The following ANKH variants were observed in gnomAD, a reference collection of about 807,000 sequenced individuals.
ANKH encodes the protein mineralization regulator ANKH.
ANKH carries 15 observed loss-of-function variants against 49.0 expected under a neutral mutation model. The observed-to-expected ratio is 0.31, with a 90% CI of 0.20 to 0.47. The LOEUF (loss-of-function observed/expected upper bound fraction) is 0.47. Among genes scored for constraint, ANKH ranks in the 20% least tolerant of loss-of-function variants. The pLI is 1.00. For synonymous variants in ANKH, 273 were observed against 260.0 expected, an observed-to-expected ratio of 1.05 and a Z score of -0.48; for missense variants, 429 against 652.0, an observed-to-expected ratio of 0.66 and a Z score of 3.72.
At chr5:14,856,991 G>T (rs1224493760) in intron 1 of ANKH, among the ~76,000 whole-genome samples, 1 of 152,142 alleles carries the variant, frequency 6.6e-6, no homozygotes, top group African/African-American at 2.4e-5. Context: ...GAGCACCAGT[G>T]AACTCATTGA....
At chr5:14,732,317 C>A (rs1435636285) in intron 8 of ANKH, among the ~76,000 whole-genome samples, 2 of 151,958 alleles carry the variant, frequency 1.3e-5, no homozygotes, top group African/African-American at 2.4e-5. Flanking sequence ...TAAAGAGCTT[C>A]CCCGAGGAGA....
At chr5:14,727,919 T>A (rs1737872025) in intron 8 of ANKH, among the ~76,000 whole-genome samples, 1 of 152,216 alleles carries the variant, frequency 6.6e-6, no homozygotes, top group Non-Finnish European at 1.5e-5. Context: ...AACAGCACAC[T>A]CTGTTCATTT....
At chr5:14,722,683 G>A (rs980794832) in intron 8 of ANKH, among the ~76,000 whole-genome samples, 1 of 152,202 alleles carries the variant, frequency 6.6e-6, no homozygotes, top group African/African-American at 2.4e-5. Context: ...CCTAGGGATA[G>A]AAATTTAAAA....
intron 1 of ANKH, among the ~76,000 whole-genome samples, chr5:14,818,329 T>A (rs1741098068): frequency 1.3e-5 from 2 of 151,990 alleles, no homozygotes; most frequent in Admixed American, 1.3e-4. Context: ...CTATTCCATC[T>A]TTTTTTCTTT....
At chr5:14,832,211 A>T (rs1236559173) in intron 1 of ANKH, among the ~76,000 whole-genome samples, 1 of 152,208 alleles carries the variant, frequency 6.6e-6, no homozygotes. Context: ...ATCTTTACAA[A>T]GTAGGACATA....
At position 14,713,173 on chromosome 5, in the gene ANKH, T is replaced by TCCCACAGCACATGGATCCCACAGC. The variant is rs1737304044; in HGVS notation, c.1266-224_1266-201dup. On this transcript the variant is annotated intron_variant, in intron 10 of 11. Transcript: ENST00000284268. The surrounding 1 kb of genome is among the most constrained non-coding windows in gnomAD (Gnocchi z 4.4). ...GGAACTCGGGGCTGGGCCACCTCCC[T>TCCCACAGCACATGGATCCCACAGC]CCCACAGCACATGGATCCCACAGCC... 6.6e-6 allele frequency among the ~76,000 whole-genome samples: 1 copy of TCCCACAGCACATGGATCCCACAGC among 152,042 alleles called. No individual in the cohort carries two copies. Among genetic ancestry groups the TCCCACAGCACATGGATCCCACAGC allele is most frequent in the Non-Finnish European group, 1.5e-5 (1 of 67,980 alleles).
intron 8 of ANKH, among the ~76,000 whole-genome samples, chr5:14,732,573 C>T (rs1448373896): frequency 1.3e-5 from 2 of 151,712 alleles, no homozygotes; most frequent in African/African-American, 4.8e-5. Context: ...GCCCTCTTTC[C>T]CTATGTTAGG....
chr5:14,787,839 T>A (rs1740029122), intron 1 of ANKH, among the ~76,000 whole-genome samples: 1 of 152,124 alleles, frequency 6.6e-6, no homozygotes, highest in African/African-American at 2.4e-5. Flanking sequence ...CAAGGCTACA[T>A]ACTAGGAGTT....
chr5:14,735,989 C>A (rs1219883300), intron 8 of ANKH, among the ~76,000 whole-genome samples: 3 of 146,932 alleles, frequency 2.0e-5, no homozygotes, highest in Non-Finnish European at 4.4e-5. Flanking sequence ...TCAGAAAGAT[C>A]CAGAGTAAAA....
At chr5:14,741,471 T>C in intron 8 of ANKH, 1 of 255,526 alleles carries the variant, frequency 3.9e-6, no homozygotes, top group South Asian at 4.3e-5. Flanking sequence ...GTAACGCGGA[T>C]TAAATTTGGA....
At position 14,755,870 on chromosome 5, in the gene ANKH, G is replaced by T; in HGVS notation, c.507C>A (p.Val169=). Residue 169 remains valine (V), a synonymous_variant, in exon 4 of 12, where the codon GTC becomes GTA. Transcript: ENST00000284268. ...FLVGCASISD[V]IAQVVFVAIL... is the part of the protein sequence containing the mutation. ...CACAGACCATATTTACCTGAGCTAT[G>T]ACATCTGAGATTGAGGCACATCCCA... 1 of 1,613,982 alleles carries T rather than the reference G, an allele frequency of 6.2e-7. No homozygotes were observed. The highest frequency in any genetic ancestry group is 8.5e-7 in the Non-Finnish European group (1 of 1,179,880).
intron 1 of ANKH, among the ~76,000 whole-genome samples, chr5:14,825,339 C>G (rs1741309454): frequency 6.6e-6 from 1 of 152,072 alleles, no homozygotes; most frequent in Non-Finnish European, 1.5e-5. Context: ...ATATCTACTT[C>G]TTGGTGATTT....
intron 1 of ANKH, among the ~76,000 whole-genome samples, chr5:14,858,103 A>G (rs13188425): frequency 0.015 from 2,223 of 152,354 alleles, 25 homozygotes; most frequent in Non-Finnish European, 0.021. Context: ...GGAAGCTAGG[A>G]GCATTAATCA....
At chr5:14,728,540 G>T (rs571986572) in intron 8 of ANKH, among the ~76,000 whole-genome samples, 3 of 152,354 alleles carry the variant, frequency 2.0e-5, no homozygotes, top group African/African-American at 7.2e-5. Context: ...GCGTGGGGGT[G>T]GGGTGGCCCA....
At chr5:14,730,824 G>C (rs1286197354) in intron 8 of ANKH, among the ~76,000 whole-genome samples, 1 of 152,344 alleles carries the variant, frequency 6.6e-6, no homozygotes, top group African/African-American at 2.4e-5. Flanking sequence ...CGCCTTCCAA[G>C]AAGAGGTGGC....
At chr5:14,716,322 G>A (rs922371580) in intron 9 of ANKH, among the ~76,000 whole-genome samples, 1 of 152,096 alleles carries the variant, frequency 6.6e-6, no homozygotes, top group South Asian at 2.1e-4. Context: ...GTGAAACCCC[G>A]TCTCTACTAA....
At chr5:14,793,007 AATATATATATAT>A (rs1554006420) in intron 1 of ANKH, among the ~76,000 whole-genome samples, 6 of 79,700 alleles carry the variant, frequency 7.5e-5, no homozygotes, top group Middle Eastern at 5.4e-3. Context: ...TATATATATA[AATATATATATAT>A]AAATATATAT....
intron 1 of ANKH, among the ~76,000 whole-genome samples, chr5:14,781,693 C>G (rs1739811299): frequency 6.6e-6 from 1 of 152,162 alleles, no homozygotes; most frequent in Admixed American, 6.5e-5. Context: ...AACCTCAATT[C>G]AAGATGGTAG....
rs1740632695 is a variant in ANKH, at chr5:14,803,919, G to T, written c.97-34728C>A. On this transcript the variant is annotated intron_variant, in intron 1 of 11. Coordinates refer to ENST00000284268, the MANE Select transcript of ANKH (RefSeq NM_054027.6). ...ACCCCCAACTTTGTTTTTTTAGACA[G>T]AGTTTCACTCTTGTTGCCCAGGCTG... Among the ~76,000 whole-genome samples, 3 of 151,892 alleles carry T rather than the reference G, an allele frequency of 2.0e-5. No homozygotes were observed. In the South Asian group the frequency reaches 6.2e-4, roughly 31 times the overall value.
Sources: allele counts gnomAD v4.1 joint callset (sites outside exome capture counted in the v4.1 genomes callset), GRCh38; gene constraint gnomAD v4.1.1; non-coding constraint Gnocchi (gnomAD v3.1); transcripts MANE v1.5; gene names NCBI Gene and HGNC (gene_info 2026-07-23, HGNC 2026-07-21).